Variants in GRIA2 observed in about 807,000 individuals in gnomAD.
GRIA2 encodes the protein glutamate ionotropic receptor AMPA type subunit 2.
Under a neutral mutation model 97.3 loss-of-function variants are expected in GRIA2, and 14 were observed. That is an observed-to-expected ratio of 0.14 (90% CI 0.10 to 0.23). GRIA2 has a LOEUF of 0.23. GRIA2 is among the 10% of genes least tolerant of loss of function. The pLI is 1.00. For missense variants in GRIA2, 558 were observed against 1,069.8 expected (o/e 0.52, Z 6.67); for synonymous variants, 412 against 387.8 (o/e 1.06, Z -0.73).
chr4:157,236,622 A>G (rs1032357660), intron 2 of GRIA2, among the ~76,000 whole-genome samples: 7 of 152,200 alleles, frequency 4.6e-5, no homozygotes, highest in Non-Finnish European at 8.8e-5. Flanking sequence ...TTTGCTGGAT[A>G]TACAAAAAAG....
At chr4:157,234,000 G>C (rs1374433833) in intron 2 of GRIA2, among the ~76,000 whole-genome samples, 1 of 152,118 alleles carries the variant, frequency 6.6e-6, no homozygotes, top group Non-Finnish European at 1.5e-5. Context: ...ATTGGTCTCA[G>C]TTGGCAACAT....
Position 157,364,720 on chromosome 4 carries a change from A to C in GRIA2, c.*1289A>C, listed in dbSNP as rs1310989862. On this transcript the variant is annotated 3_prime_UTR_variant, in exon 16 of 16. Transcript: ENST00000264426. Reference sequence around the variant, plus strand: ...AATATGTTTTTAGCTTTAAAATTATAAAAGCTGTCATAAACTTTATATATT... The same window carrying C: ...AATATGTTTTTAGCTTTAAAATTATCAAAGCTGTCATAAACTTTATATATT... 6.6e-6 allele frequency: 1 copy of C among 152,180 alleles called. No individual in the cohort carries two copies. Among genetic ancestry groups the C allele is most frequent in the East Asian group, 1.9e-4 (1 of 5,180 alleles). 9.4% of individuals were successfully genotyped at this position (152,180 alleles called of 1,614,324 possible).
intron 2 of GRIA2, among the ~76,000 whole-genome samples, chr4:157,280,397 A>C (rs1383803519): frequency 6.6e-6 from 1 of 152,114 alleles, no homozygotes; most frequent in Non-Finnish European, 1.5e-5. Flanking sequence ...AGTGTCTTGG[A>C]AGATCTTAGA....
chr4:157,331,081 T>C (rs906436491), intron 6 of GRIA2, among the ~76,000 whole-genome samples: 1 of 152,032 alleles, frequency 6.6e-6, no homozygotes, highest in Non-Finnish European at 1.5e-5. Flanking sequence ...AAACAGAAGC[T>C]GTTGATATTC....
intron 12 of GRIA2, among the ~76,000 whole-genome samples, chr4:157,359,380 G>C (rs1247023270): frequency 6.6e-6 from 1 of 152,100 alleles, no homozygotes; most frequent in African/African-American, 2.4e-5. Flanking sequence ...TGTTATTCTA[G>C]AAATGTTTCA....
chr4:157,312,592 TA>T (rs1320569203), intron 3 of GRIA2, 86 bp from the exon 4 acceptor site: 2 of 723,738 alleles, frequency 2.8e-6, no homozygotes, highest in Admixed American at 6.6e-5. Context: ...ATATCTTCCT[TA>T]AAAATATATT....
At chr4:157,284,373 C>T (rs999917716) in intron 2 of GRIA2, among the ~76,000 whole-genome samples, 1 of 151,742 alleles carries the variant, frequency 6.6e-6, no homozygotes, top group African/African-American at 2.4e-5. Flanking sequence ...ATTTTCTGTT[C>T]TTCATCTCAT....
intron 2 of GRIA2, among the ~76,000 whole-genome samples, chr4:157,294,879 T>C (rs1385879467): frequency 6.6e-6 from 1 of 152,118 alleles, no homozygotes; most frequent in Non-Finnish European, 1.5e-5. Flanking sequence ...AGAACTCACA[T>C]AGAGCATGAG....
intron 6 of GRIA2, among the ~76,000 whole-genome samples, chr4:157,331,008 A>C (rs1354019753): frequency 6.6e-6 from 1 of 152,028 alleles, no homozygotes; most frequent in East Asian, 1.9e-4. Context: ...AAAAATGTGA[A>C]CATATTTGTT....
chr4:157,239,340 A>G (rs1730395220), intron 2 of GRIA2, among the ~76,000 whole-genome samples: 1 of 152,006 alleles, frequency 6.6e-6, no homozygotes, highest in Non-Finnish European at 1.5e-5. Flanking sequence ...ACTTTTTAAA[A>G]GGTACTGTTT....
chr4:157,286,277 T>C (rs1579332698), intron 2 of GRIA2, among the ~76,000 whole-genome samples: 1 of 151,494 alleles, frequency 6.6e-6, no homozygotes, highest in Non-Finnish European at 1.5e-5. Flanking sequence ...CAATATGATG[T>C]TTGGAAAAAA....
intron 10 of GRIA2, 108 bp downstream of exon 10, chr4:157,335,985 A>G (rs929683039): frequency 2.7e-6 from 2 of 749,156 alleles, no homozygotes; most frequent in Non-Finnish European, 4.7e-6. Flanking sequence ...GATTTCCCAC[A>G]TTACTCTAGA....
intron 11 of GRIA2, among the ~76,000 whole-genome samples, chr4:157,338,023 T>TATATATATATATATATATAC (rs1560773137): frequency 5.5e-4 from 7 of 12,724 alleles, no homozygotes; most frequent in African/African-American, 9.6e-4. Context: ...TATATATATA[T>TATATATATATATATATATAC]ATATATATAT....
intron 3 of GRIA2, among the ~76,000 whole-genome samples, chr4:157,309,566 G>T (rs113684054): frequency 1.3e-5 from 2 of 152,018 alleles, no homozygotes; most frequent in Non-Finnish European, 2.9e-5. Flanking sequence ...TGGCCAGGCT[G>T]ATCTTGAGCT....
At chr4:157,359,693 G>T (rs1361785866) in intron 12 of GRIA2, among the ~76,000 whole-genome samples, 1 of 151,946 alleles carries the variant, frequency 6.6e-6, no homozygotes, top group African/African-American at 2.4e-5. Flanking sequence ...GATGTTTCAG[G>T]TCCTTGCGAA....
intron 2 of GRIA2, among the ~76,000 whole-genome samples, chr4:157,277,894 A>ATATATGTATATATATGTATATATATG (rs1732416148): frequency 6.9e-6 from 1 of 144,744 alleles, no homozygotes; most frequent in Non-Finnish European, 1.5e-5. Context: ...ATATATGTAT[A>ATATATGTATATATATGTATATATATG]TATATATGTA....
chr4:157,226,412 A>G (rs991166106), intron 2 of GRIA2, among the ~76,000 whole-genome samples: 5 of 152,150 alleles, frequency 3.3e-5, no homozygotes, highest in African/African-American at 1.2e-4. Context: ...CCTTTTAAAA[A>G]TAGGTTGCCC....
intron 6 of GRIA2, among the ~76,000 whole-genome samples, chr4:157,322,246 T>A (rs398051432): frequency 0.066 from 5,061 of 77,242 alleles, 139 homozygotes; most frequent in African/African-American, 0.15. Flanking sequence ...AGAGAGAGTG[T>A]GTGTGTGTGT....
In GRIA2 at chr4:157,303,640, A is replaced by T; in HGVS notation, c.318A>T (p.Thr106=). Residue 106 remains threonine (T), a synonymous_variant, in exon 3 of 16, where the codon ACA becomes ACT. Coordinates refer to ENST00000264426, the MANE Select transcript of GRIA2 (RefSeq NM_001083619.3). ...SVNTITSFCG[T]LHVSFITPSF... ...ATACCATCACATCATTTTGCGGAAC[A>T]CTCCACGTCTCCTTCATCACTCCCA... The T allele has an allele frequency of 6.2e-7, 1 of 1,613,978 alleles. No individual in the cohort carries two copies. The highest frequency in any genetic ancestry group is 8.5e-7 in the Non-Finnish European group (1 of 1,179,962).
Sources: gnomAD v4.1 joint callset for allele counts (sites outside exome capture counted in the v4.1 genomes callset) on GRCh38, gnomAD v4.1.1 for gene constraint, MANE v1.5 for transcripts, NCBI Gene and HGNC (gene_info 2026-07-23, HGNC 2026-07-21) for gene names.